Variants in EVI5 observed in about 807,000 individuals in gnomAD.
EVI5 encodes the protein ecotropic viral integration site 5 protein homolog.
EVI5 carries 73 observed loss-of-function variants against 112.0 expected under a neutral mutation model. That is an observed-to-expected ratio of 0.65 (90% CI 0.54 to 0.79). The LOEUF (loss-of-function observed/expected upper bound fraction) is 0.79. Ranked by LOEUF, EVI5 falls within the 30% of genes least tolerant of loss-of-function variation. The probability of loss-of-function intolerance (pLI) is 0.00; values close to 1 mark genes in which losing one functional copy is unlikely to be tolerated. For synonymous variants in EVI5, 305 were observed against 319.9 expected (o/e 0.95, Z 0.50); for missense variants, 900 against 968.8 (o/e 0.93, Z 0.94).
chr1:92,666,151 C>G (rs75997711), intron 10 of EVI5, among the ~76,000 whole-genome samples, 159 bp from the exon 11 acceptor site: 1,728 of 151,988 alleles, frequency 0.011, 39 homozygotes, highest in African/African-American at 0.039. Context: ...AAGAAATACA[C>G]AGAAGGCAGG....
intron 19 of EVI5, among the ~76,000 whole-genome samples, chr1:92,561,371 G>T (rs6603989): frequency 0.63 from 96,009 of 151,734 alleles, 30,884 homozygotes; most frequent in East Asian, 0.92. Flanking sequence ...ATGCAGTTTG[G>T]TTTCCACTCT....
At chr1:92,618,152 A>G (rs1380610726) in intron 16 of EVI5, among the ~76,000 whole-genome samples, 2 of 152,178 alleles carry the variant, frequency 1.3e-5, no homozygotes, top group African/African-American at 2.4e-5. Flanking sequence ...CATCCAACAT[A>G]TGGTACTGTT....
Position 92,681,895 on chromosome 1 carries a change from A to G in EVI5, c.1098-4677T>C, listed in dbSNP as rs1667649697. Among the ~76,000 whole-genome samples the G allele has an allele frequency of 2.0e-5, 3 of 152,062 alleles. 1 individual carries two copies. In the South Asian group the frequency reaches 6.2e-4, roughly 32 times the overall value. On this transcript the variant is annotated intron_variant, in intron 9 of 19. Coordinates refer to ENST00000684568, the MANE Select transcript of EVI5 (RefSeq NM_001350197.2). ...CACAGTAGATGGCATTGCTCTAAAT[A>G]CCCCTAGCACCCTACCATGTTTCTG...
intron 18 of EVI5, among the ~76,000 whole-genome samples, chr1:92,571,949 C>T (rs531157171): frequency 6.6e-6 from 1 of 152,256 alleles, no homozygotes; most frequent in South Asian, 2.1e-4. Flanking sequence ...GTATTCCGTA[C>T]TTTCACTGAA....
chr1:92,581,844 T>C (rs534470297), intron 18 of EVI5, among the ~76,000 whole-genome samples: 2 of 152,320 alleles, frequency 1.3e-5, no homozygotes, highest in East Asian at 3.9e-4. Context: ...CCTGCTCTTA[T>C]GGCATAGAAG....
chr1:92,584,356 C>A (rs1672447513), intron 18 of EVI5, among the ~76,000 whole-genome samples: 1 of 151,938 alleles, frequency 6.6e-6, no homozygotes, highest in Non-Finnish European at 1.5e-5. Flanking sequence ...ATTTTAAGTT[C>A]TACATTGATA....
chr1:92,651,364 G>C (rs1034381661), intron 13 of EVI5, among the ~76,000 whole-genome samples: 1 of 152,114 alleles, frequency 6.6e-6, no homozygotes, highest in African/African-American at 2.4e-5. Context: ...TGGAGAAAAG[G>C]AGAAAGAGAG....
In EVI5 at chr1:92,693,753, A is replaced by C. The variant is rs778558056; in HGVS notation, c.1097+49T>G. The stretch of plus-strand genomic sequence containing the variant: ...TAAGGAGGAAAACTGTATCACTAGA[A>C]TGTTTTGCAACTTCCACTGAATTTC... On this transcript the variant is annotated intron_variant, in intron 9 of 19. Transcript: ENST00000684568. 5 of 970,646 alleles carry C rather than the reference A, an allele frequency of 5.2e-6. No homozygotes were observed. In the South Asian group the frequency reaches 6.7e-5, roughly 13 times the overall value. The allele number at this position is 970,646 out of a possible 1,614,324, so 60.1% of individuals were successfully genotyped here.
intron 16 of EVI5, among the ~76,000 whole-genome samples, chr1:92,620,977 A>G (rs1200520409): frequency 6.6e-6 from 1 of 152,128 alleles, no homozygotes; most frequent in Non-Finnish European, 1.5e-5. Flanking sequence ...TAAGAGCCTT[A>G]GATTACACAT....
intron 13 of EVI5, among the ~76,000 whole-genome samples, chr1:92,638,666 G>A (rs1203524944): frequency 6.6e-6 from 1 of 152,092 alleles, no homozygotes; most frequent in Non-Finnish European, 1.5e-5. Flanking sequence ...CCAGACACAT[G>A]TTAAGCACTT....
intron 19 of EVI5, among the ~76,000 whole-genome samples, chr1:92,549,073 C>G (rs977050734): frequency 1.3e-4 from 20 of 151,298 alleles, no homozygotes; most frequent in Admixed American, 1.1e-3. Flanking sequence ...AAGCTGGAGG[C>G]ATCACGCTAC....
chr1:92,625,714 T>C, intron 15 of EVI5, 80 bp downstream of exon 15: 1 of 1,229,574 alleles, frequency 8.1e-7, no homozygotes, highest in Non-Finnish European at 1.2e-6. Context: ...CTATAGGTCA[T>C]CAGGTACTTC....
At chr1:92,557,633 C>T (rs865879559) in intron 19 of EVI5, among the ~76,000 whole-genome samples, 2 of 152,094 alleles carry the variant, frequency 1.3e-5, no homozygotes, top group South Asian at 4.2e-4. Flanking sequence ...GTGTTTCAGT[C>T]AGTAGTATTT....
chr1:92,633,701 T>C (rs2454484), intron 14 of EVI5, among the ~76,000 whole-genome samples: 2 of 152,230 alleles, frequency 1.3e-5, no homozygotes, highest in East Asian at 3.8e-4. Context: ...ATGTGTGAAT[T>C]TGATCCTGAC....
chr1:92,659,241 A>G (rs114094809), intron 13 of EVI5, among the ~76,000 whole-genome samples: 3,309 of 152,282 alleles, frequency 0.022, 50 homozygotes, highest in South Asian at 0.052. Context: ...AAAAACAAAA[A>G]TAGACAAATA....
chr1:92,534,160 A>T (rs1374976716), intron 19 of EVI5, among the ~76,000 whole-genome samples: 3 of 152,222 alleles, frequency 2.0e-5, no homozygotes, highest in Non-Finnish European at 4.4e-5. Flanking sequence ...GAGCCAAATC[A>T]TGAGTGAACT....
At chr1:92,719,791 T>TA (rs1013604896) in intron 2 of EVI5, among the ~76,000 whole-genome samples, 1 of 151,974 alleles carries the variant, frequency 6.6e-6, no homozygotes, top group African/African-American at 2.4e-5. Flanking sequence ...TGTATATTTG[T>TA]AAAACCCCAT....
At chr1:92,637,649 T>C (rs188710067) in intron 13 of EVI5, among the ~76,000 whole-genome samples, 3 of 152,306 alleles carry the variant, frequency 2.0e-5, no homozygotes, top group Admixed American at 2.0e-4. Context: ...ATTTATGTAG[T>C]AAAGAAAATG....
chr1:92,592,354 G>A (rs1272650472), intron 18 of EVI5, among the ~76,000 whole-genome samples: 3 of 152,220 alleles, frequency 2.0e-5, no homozygotes, highest in Non-Finnish European at 4.4e-5. Context: ...CAGAAATAAA[G>A]ATGTTCTTTG....
Sources: allele counts gnomAD v4.1 joint callset (sites outside exome capture counted in the v4.1 genomes callset), GRCh38; gene constraint gnomAD v4.1.1; transcripts MANE v1.5; gene names NCBI Gene and HGNC (gene_info 2026-07-23, HGNC 2026-07-21).